Variants in ACCSL observed in about 807,000 individuals in gnomAD.
ACCSL encodes the protein probable inactive 1-aminocyclopropane-1-carboxylate synthase-like protein 2.
In ACCSL, 55 loss-of-function variants were observed where a neutral mutation model predicts 61.7. The observed-to-expected ratio is 0.89, with a 90% CI of 0.72 to 1.12. The LOEUF (loss-of-function observed/expected upper bound fraction) is 1.12. Ranked by LOEUF, ACCSL falls within the 50% of genes most tolerant of loss-of-function variation. The pLI, the probability that ACCSL is intolerant of heterozygous loss-of-function variation, is 0.00. For missense variants in ACCSL, 632 were observed against 698.0 expected (o/e 0.91, Z 1.07); for synonymous variants, 258 against 264.3 (o/e 0.98, Z 0.23).
At chr11:43,932,423 A>G in the ACCSL span, among the ~76,000 whole-genome samples, 3 of 152,002 alleles carry the variant, frequency 2.0e-5, no homozygotes, top group Admixed American at 6.6e-5. Context: ...GCGCACCAAC[A>G]TGCCGGGCTA....
chr11:44,025,060 CT>C, the ACCSL span, among the ~76,000 whole-genome samples: 8 of 152,060 alleles, frequency 5.3e-5, no homozygotes, highest in Non-Finnish European at 2.9e-5. Context: ...TACTTTCAAT[CT>C]GTTTATGTGT....
the ACCSL span, among the ~76,000 whole-genome samples, chr11:43,972,898 T>C: frequency 1.3e-5 from 2 of 152,176 alleles, no homozygotes; most frequent in Non-Finnish European, 2.9e-5. Flanking sequence ...ATCCTAGCAC[T>C]TTGGGAGGCC....
the ACCSL span, among the ~76,000 whole-genome samples, chr11:43,933,678 G>A: frequency 6.6e-6 from 1 of 152,186 alleles, no homozygotes; most frequent in African/African-American, 2.4e-5. Context: ...AGCTGTGCCG[G>A]AAAGCAGAAC....
chr11:43,951,559 G>A, the ACCSL span, among the ~76,000 whole-genome samples: 4 of 149,520 alleles, frequency 2.7e-5, no homozygotes, highest in Admixed American at 2.6e-4. Flanking sequence ...AAGTATTTGA[G>A]GGAATTTGAT....
the ACCSL span, among the ~76,000 whole-genome samples, chr11:43,951,854 A>C: frequency 3.9e-5 from 6 of 152,190 alleles, no homozygotes; most frequent in African/African-American, 1.4e-4. Context: ...TACAAACATT[A>C]GCCAGGCATG....
At chr11:43,921,377 C>CA in the ACCSL span, among the ~76,000 whole-genome samples, 1 of 152,066 alleles carries the variant, frequency 6.6e-6, no homozygotes, top group African/African-American at 2.4e-5. Context: ...AAAAAACAAA[C>CA]AAACAAAAAA....
chr11:43,960,209 C>T, the ACCSL span, among the ~76,000 whole-genome samples: 1 of 152,164 alleles, frequency 6.6e-6, no homozygotes, highest in South Asian at 2.1e-4. Context: ...CATATGTGTT[C>T]TGAGGTTTAT....
the ACCSL span, among the ~76,000 whole-genome samples, chr11:43,928,666 G>C: frequency 6.6e-6 from 1 of 152,292 alleles, no homozygotes; most frequent in East Asian, 1.9e-4. Flanking sequence ...GGAGGACGCA[G>C]GAGCTGGGCA....
chr11:44,059,880 C>T lies in ACCSL; in HGVS notation c.1667C>T (p.Ala556Val), dbSNP rs191508621. 3.5e-5 allele frequency: 56 copies of T among 1,613,968 alleles called. No homozygotes were observed. Among genetic ancestry groups the T allele is most frequent in the Non-Finnish European group, 3.4e-6 (4 of 1,179,880 alleles). ...GATGTGCTGCAGGAGCAGAAGGAGGCTTTGATAGTGAAGCAGTTGGAGGAT... is the reference window on the plus strand; with the variant it reads ...GATGTGCTGCAGGAGCAGAAGGAGGTTTTGATAGTGAAGCAGTTGGAGGAT... The part of the protein sequence containing the change: ...FCDVLQEQKE[A>V]LIVKQLEDAM... The change falls in exon 14 of 14, where the codon GCT (alanine) becomes GTT (valine). Residue 556 changes from alanine to valine, a missense_variant. Physicochemically the swap from Ala to Val is moderately conservative, Grantham distance 64 (BLOSUM62 0). Transcript: ENST00000378832.
At chr11:43,940,881 G>A in the ACCSL span, among the ~76,000 whole-genome samples, 1 of 152,178 alleles carries the variant, frequency 6.6e-6, no homozygotes, top group Admixed American at 6.5e-5. Context: ...CCATTGCAGG[G>A]CAAACCGCTG....
Position 44,050,546 on chromosome 11 carries a change from C to T in ACCSL, c.565-6C>T, listed in dbSNP as rs1438616684. On this transcript the variant is annotated splice_polypyrimidine_tract_variant and splice_region_variant and intron_variant, in intron 2 of 13. Coordinates refer to ENST00000378832, the MANE Select transcript of ACCSL (RefSeq NM_001031854.2). Reference sequence around the variant, plus strand: ...CTACCTGTCTTCATGTTCTATTTGTCAACAGTTGCAAGAAAGTGACATGAA... The same window carrying T: ...CTACCTGTCTTCATGTTCTATTTGTTAACAGTTGCAAGAAAGTGACATGAA... 3 of 1,613,718 alleles carry T rather than the reference C, an allele frequency of 1.9e-6. No individual in the cohort carries two copies. Among genetic ancestry groups the T allele is most frequent in the African/African-American group, 2.7e-5 (2 of 75,038 alleles).
the ACCSL span, chr11:43,943,564 C>T: frequency 7.6e-7 from 1 of 1,315,952 alleles, no homozygotes; most frequent in Non-Finnish European, 1.0e-6. This position sits in a 1 kb window ranked among gnomAD's most constrained non-coding sequence, Gnocchi z 4.8. Flanking sequence ...GGGAGGCGCG[C>T]CCGCGCTGAG....
the ACCSL span, among the ~76,000 whole-genome samples, chr11:44,004,353 TGG>T: frequency 6.6e-6 from 1 of 151,978 alleles, no homozygotes; most frequent in African/African-American, 2.4e-5. Context: ...CATACCGCCC[TGG>T]GGGACCAAGA....
chr11:43,921,135 G>A, the ACCSL span: 3 of 152,276 alleles, frequency 2.0e-5, no homozygotes, highest in African/African-American at 7.2e-5. Context: ...AATAGGGCGG[G>A]AGAGTTAGAG....
chr11:43,942,590 T>A, the ACCSL span: 1 of 315,168 alleles, frequency 3.2e-6, no homozygotes. Flanking sequence ...CAGAGCCGTG[T>A]GGGCAGCCGC....
intron 2 of ACCSL, among the ~76,000 whole-genome samples, 195 bp downstream of exon 2, chr11:44,050,316 G>A (rs981400476): frequency 6.6e-6 from 1 of 152,192 alleles, no homozygotes; most frequent in Non-Finnish European, 1.5e-5. Flanking sequence ...TAGGTATATG[G>A]TGGGAAAGTT....
At chr11:43,967,767 C>T in the ACCSL span, among the ~76,000 whole-genome samples, 1 of 152,072 alleles carries the variant, frequency 6.6e-6, no homozygotes, top group Non-Finnish European at 1.5e-5. Context: ...AATTATAAGC[C>T]ATTGAACGAG....
the ACCSL span, among the ~76,000 whole-genome samples, chr11:43,958,516 T>A: frequency 1.3e-5 from 2 of 152,326 alleles, 1 homozygote; most frequent in South Asian, 4.1e-4. Context: ...AAAACTCTGG[T>A]CTCCTGCACA....
chr11:43,967,010 A>G, the ACCSL span, among the ~76,000 whole-genome samples: 1 of 151,948 alleles, frequency 6.6e-6, no homozygotes, highest in South Asian at 2.1e-4. Context: ...TAACAAATCC[A>G]CTTTCTTCAT....
Sources: allele counts gnomAD v4.1 joint callset (sites outside exome capture counted in the v4.1 genomes callset), GRCh38; gene constraint gnomAD v4.1.1; non-coding constraint Gnocchi (gnomAD v3.1); transcripts MANE v1.5; gene names NCBI Gene and HGNC (gene_info 2026-07-23, HGNC 2026-07-21).